Variants in PDIK1L observed in about 807,000 individuals in gnomAD.
PDIK1L encodes PDLIM1 interacting kinase 1 like, also known as serine/threonine-protein kinase PDIK1L.
A neutral mutation model predicts 27.1 loss-of-function variants in PDIK1L; 9 were observed. That is an observed-to-expected ratio of 0.33 (90% CI 0.20 to 0.58). The LOEUF (loss-of-function observed/expected upper bound fraction) is 0.58. Among genes scored for constraint, PDIK1L ranks in the 20% least tolerant of loss-of-function variants. The pLI, the probability that PDIK1L is intolerant of heterozygous loss-of-function variation, is 0.86. For missense variants in PDIK1L, 216 were observed against 413.2 expected, an observed-to-expected ratio of 0.52 and a Z score of 4.14; for synonymous variants, 130 against 141.7, an observed-to-expected ratio of 0.92 and a Z score of 0.59.
intron 2 of PDIK1L, among the ~76,000 whole-genome samples, chr1:26,115,499 T>A (rs188795981): frequency 6.6e-6 from 1 of 152,366 alleles, no homozygotes; most frequent in Non-Finnish European, 1.5e-5. Context: ...GGGCAGAATT[T>A]CTTAAAGCTA....
chr1:26,115,199 G>T (rs1481604101), intron 2 of PDIK1L, among the ~76,000 whole-genome samples: 1 of 152,224 alleles, frequency 6.6e-6, no homozygotes, highest in Non-Finnish European at 1.5e-5. Context: ...ATCCTGTGAG[G>T]AAAGGACTAT....
intron 2 of PDIK1L, among the ~76,000 whole-genome samples, chr1:26,119,403 GTCTC>G (rs56711335): frequency 0.023 from 3,387 of 148,978 alleles, 121 homozygotes; most frequent in African/African-American, 0.078. Context: ...GCAAGACCTT[GTCTC>G]TCTCTCTCTC....
In PDIK1L at chr1:26,122,709, T is replaced by G; in HGVS notation, c.*132T>G. On this transcript the variant is annotated 3_prime_UTR_variant, in exon 3 of 3. Transcript: ENST00000374269. This position sits in a 1 kb window ranked among gnomAD's most constrained non-coding sequence, Gnocchi z 5.4. ...GGGTTTAGATTTTTTGTGGGATTTT[T>G]TTTTTCCTCATTTTTCTTAAATCCA... is the stretch of plus-strand genomic sequence containing the variant. 1 of 1,154,456 alleles carries G rather than the reference T, an allele frequency of 8.7e-7. No individual in the cohort carries two copies. The allele number at this position is 1,154,456 out of a possible 1,614,324, so 71.5% of individuals were successfully genotyped here. A position where few individuals can be genotyped will look rare whatever the true frequency, so the allele number is the denominator to read the frequency against.
chr1:26,121,634 T>C (rs904430878), intron 2 of PDIK1L, among the ~76,000 whole-genome samples: 17 of 152,340 alleles, frequency 1.1e-4, no homozygotes, highest in African/African-American at 3.8e-4. Flanking sequence ...AGAGCTTTGG[T>C]GTATATTTAT....
chr1:26,112,369 T>A (rs2087812224), intron 1 of PDIK1L: 1 of 152,274 alleles, frequency 6.6e-6, no homozygotes, highest in South Asian at 2.1e-4. Flanking sequence ...GCCCGCCACT[T>A]TCGGTCGAAA....
At chr1:26,112,392 CG>C (rs2087812579) in intron 1 of PDIK1L, 1 of 152,300 alleles carries the variant, frequency 6.6e-6, no homozygotes, top group Admixed American at 6.5e-5. Context: ...CACTTAGGTT[CG>C]CATCGGATGC....
chr1:26,115,061 C>A (rs1012743656), intron 2 of PDIK1L, among the ~76,000 whole-genome samples: 1 of 152,200 alleles, frequency 6.6e-6, no homozygotes, highest in East Asian at 1.9e-4. Context: ...CCACGCAGTT[C>A]CAGTTAATTT....
At chr1:26,111,540 G>A (rs960376899), upstream of PDIK1L, 5 of 151,300 alleles carry the variant, frequency 3.3e-5, no homozygotes, top group Non-Finnish European at 7.4e-5. This position sits in a 1 kb window ranked among gnomAD's most constrained non-coding sequence, Gnocchi z 4.0. Flanking sequence ...GCCCGCTGCG[G>A]CTGGAGGGTG....
chr1:26,119,161 A>T (rs1416626271), intron 2 of PDIK1L, among the ~76,000 whole-genome samples: 1 of 152,248 alleles, frequency 6.6e-6, no homozygotes, highest in Non-Finnish European at 1.5e-5. Flanking sequence ...CAATCCCAGC[A>T]CTTTGGGAGG....
intron 2 of PDIK1L, among the ~76,000 whole-genome samples, chr1:26,117,368 T>G (rs1365345553): frequency 1.3e-5 from 2 of 152,138 alleles, no homozygotes; most frequent in Non-Finnish European, 2.9e-5. Flanking sequence ...ACAGTAAAAA[T>G]AACTAGCCTC....
Position 26,111,860 on chromosome 1 carries a change from G to C in PDIK1L, c.-73G>C, listed in dbSNP as rs1190621316. 6.6e-6 allele frequency: 1 copy of C among 152,252 alleles called. No homozygotes were observed. Among genetic ancestry groups the C allele is most frequent in the African/African-American group, 2.4e-5 (1 of 41,426 alleles). 9.4% of individuals were successfully genotyped at this position (152,252 alleles called of 1,614,324 possible). A position where few individuals can be genotyped will look rare whatever the true frequency, so the allele number is the denominator to read the frequency against. The stretch of plus-strand genomic sequence containing the variant: ...GCGGCAGCGGAGGCGCGAGCTGCCC[G>C]ATAATGGCGGCCTGCAGAGCCCATG... On this transcript the variant is annotated 5_prime_UTR_variant, in exon 1 of 3. Transcript: ENST00000374269. This position sits in a 1 kb window ranked among gnomAD's most constrained non-coding sequence, Gnocchi z 4.0.
chr1:26,112,997 C>G (rs1236632287), intron 1 of PDIK1L, among the ~76,000 whole-genome samples: 1 of 152,194 alleles, frequency 6.6e-6, no homozygotes, highest in Non-Finnish European at 1.5e-5. Flanking sequence ...AGTTGAATTC[C>G]CAAGAACTCT....
At position 26,123,221 on chromosome 1, in the gene PDIK1L, A is replaced by G. The variant is rs2088022774; in HGVS notation, c.*644A>G. 6.9e-6 allele frequency: 1 copy of G among 144,818 alleles called. No individual in the cohort carries two copies. Among genetic ancestry groups the G allele is most frequent in the Admixed American group, 7.0e-5 (1 of 14,220 alleles). 9.0% of individuals were successfully genotyped at this position (144,818 alleles called of 1,614,324 possible). A position where few individuals can be genotyped will look rare whatever the true frequency, so the allele number is the denominator to read the frequency against. ...TATACAGCTTTTTTTTTAAGGCATC[A>G]TTTTCGAGGGTCTAAAATTATCTGG... On this transcript the variant is annotated 3_prime_UTR_variant, in exon 3 of 3. Coordinates refer to ENST00000374269, the MANE Select transcript of PDIK1L (RefSeq NM_152835.5).
intron 2 of PDIK1L, among the ~76,000 whole-genome samples, chr1:26,117,146 C>G (rs1280138933): frequency 6.7e-6 from 1 of 150,294 alleles, no homozygotes; most frequent in South Asian, 2.1e-4. Context: ...ATTCTCCTGG[C>G]TCAACCTCCT....
At chr1:26,118,374 A>G (rs1376243749) in intron 2 of PDIK1L, among the ~76,000 whole-genome samples, 1 of 152,210 alleles carries the variant, frequency 6.6e-6, no homozygotes, top group East Asian at 1.9e-4. Context: ...AGATCCAGCA[A>G]TTGTTATAGT....
At position 26,122,106 on chromosome 1, in the gene PDIK1L, C is replaced by G; in HGVS notation, c.555C>G (p.Thr185=). The stretch of plus-strand genomic sequence containing the variant: ...TGGATACCAGTGACTTGGAACCTAC[C>G]CTCAAAGTGGCTGATTTTGGTCTAA... ...TRLDTSDLEP[T]LKVADFGLSK... The change falls in exon 3 of 3, where the codon ACC becomes ACG. Residue 185 remains threonine, a synonymous_variant. Transcript: ENST00000374269. This position sits in a 1 kb window ranked among gnomAD's most constrained non-coding sequence, Gnocchi z 5.4. The G allele has an allele frequency of 6.2e-7, 1 of 1,613,696 alleles. No individual in the cohort carries two copies. The highest frequency in any genetic ancestry group is 1.6e-4 in the Middle Eastern group (1 of 6,062).
intron 2 of PDIK1L, among the ~76,000 whole-genome samples, chr1:26,119,595 G>C (rs962846627): frequency 3.3e-5 from 5 of 152,180 alleles, no homozygotes; most frequent in Non-Finnish European, 5.9e-5. Flanking sequence ...GGGCGCAGTG[G>C]CTCACACCTG....
chr1:26,114,257 A>G lies in PDIK1L; in HGVS notation c.-17-35A>G, dbSNP rs572542606. On this transcript the variant is annotated intron_variant, in intron 1 of 2. Transcript: ENST00000374269. The surrounding 1 kb of genome is among the most constrained non-coding windows in gnomAD (Gnocchi z 4.8). ...AAGAAATACAAGCCAGTAGGTATAC[A>G]TAATTTCAACAGAGCACTTTGTTGA... The G allele has an allele frequency of 8.4e-6, 13 of 1,552,878 alleles. No homozygotes were observed. In the South Asian group the frequency reaches 1.2e-4, roughly 14 times the overall value.
chr1:26,124,652 C>T lies in PDIK1L; in HGVS notation c.*2075C>T, dbSNP rs2088047714. ...TATCATTTACTTGGAAAGATTTTAC[C>T]TGTGAAGTGAAATTCTTTCATTGGG... On this transcript the variant is annotated 3_prime_UTR_variant, in exon 3 of 3. Coordinates refer to ENST00000374269, the MANE Select transcript of PDIK1L (RefSeq NM_152835.5). 1 of 152,058 alleles carries T rather than the reference C, an allele frequency of 6.6e-6. No homozygotes were observed. Among genetic ancestry groups the T allele is most frequent in the African/African-American group, 2.4e-5 (1 of 41,386 alleles). 9.4% of individuals were successfully genotyped at this position (152,058 alleles called of 1,614,324 possible). A position where few individuals can be genotyped will look rare whatever the true frequency, so the allele number is the denominator to read the frequency against.
Sources: gnomAD v4.1 joint callset for allele counts (sites outside exome capture counted in the v4.1 genomes callset) on GRCh38, gnomAD v4.1.1 for gene constraint, Gnocchi (gnomAD v3.1) non-coding constraint, MANE v1.5 for transcripts, NCBI Gene and HGNC (gene_info 2026-07-23, HGNC 2026-07-21) for gene names.